The following CFAP57 variants were observed in gnomAD, a reference collection of about 807,000 sequenced individuals.
The protein encoded by CFAP57 is cilia and flagella associated protein 57.
Under a neutral mutation model 146.8 loss-of-function variants are expected in CFAP57, and 116 were observed. The observed-to-expected ratio is 0.79, with a 90% CI of 0.68 to 0.92. The LOEUF (loss-of-function observed/expected upper bound fraction) is 0.92, where lower values mean the gene tolerates loss of function less well. CFAP57 is among the 40% of genes least tolerant of loss of function. CFAP57 has a pLI of 0.00. For synonymous variants in CFAP57, 518 were observed against 552.8 expected (o/e 0.94, Z 0.88); for missense variants, 1,377 against 1,527.2 (o/e 0.90, Z 1.64).
At chr1:43,246,837 A>T (rs890082815) in intron 22 of CFAP57, among the ~76,000 whole-genome samples, 2 of 152,254 alleles carry the variant, frequency 1.3e-5, no homozygotes, top group South Asian at 4.1e-4. Context: ...GCTTGAGATT[A>T]AAAATTACTA....
chr1:43,222,033 C>T, intron 14 of CFAP57, 72 bp from the exon 15 acceptor site: 1 of 1,367,294 alleles, frequency 7.3e-7, no homozygotes, highest in Non-Finnish European at 9.7e-7. Flanking sequence ...TGGGAGAGCG[C>T]CCAAGGCTCC....
At chr1:43,217,630 C>T (rs1415500736) in intron 12 of CFAP57, among the ~76,000 whole-genome samples, 2 of 152,094 alleles carry the variant, frequency 1.3e-5, no homozygotes, top group Admixed American at 1.3e-4. Context: ...TAAACTCACT[C>T]TCTCCAACCT....
intron 22 of CFAP57, among the ~76,000 whole-genome samples, chr1:43,249,334 AT>A (rs1646242988): frequency 6.6e-6 from 1 of 150,386 alleles, no homozygotes; most frequent in Non-Finnish European, 1.5e-5. Context: ...TGGTTTCTTC[AT>A]TTTTAACAGT....
At chr1:43,228,542 C>T (rs987186321) in intron 18 of CFAP57, among the ~76,000 whole-genome samples, 1 of 148,538 alleles carries the variant, frequency 6.7e-6, no homozygotes, top group Admixed American at 6.6e-5. Flanking sequence ...TCTGGTAAGC[C>T]CAGTAAAGAG....
intron 6 of CFAP57, among the ~76,000 whole-genome samples, chr1:43,187,500 A>C (rs1426965045): frequency 6.6e-6 from 1 of 152,230 alleles, no homozygotes; most frequent in East Asian, 1.9e-4. Flanking sequence ...TATGATTCAC[A>C]TACAAATTGC....
At chr1:43,209,618 G>GA in intron 10 of CFAP57, 125 bp from the exon 11 acceptor site, 1 of 1,003,754 alleles carries the variant, frequency 1.0e-6, no homozygotes, top group Non-Finnish European at 1.5e-6. Flanking sequence ...AAAGGGGATA[G>GA]AAAAAGCATT....
chr1:43,205,369 T>A (rs929923104), intron 9 of CFAP57, among the ~76,000 whole-genome samples: 1 of 152,306 alleles, frequency 6.6e-6, no homozygotes, highest in African/African-American at 2.4e-5. Context: ...CACCTGACTT[T>A]CCCACAGACA....
At chr1:43,214,879 T>C (rs1311027610) in intron 11 of CFAP57, among the ~76,000 whole-genome samples, 1 of 152,204 alleles carries the variant, frequency 6.6e-6, no homozygotes, top group Admixed American at 6.5e-5. Flanking sequence ...TGGCTAATAA[T>C]GCGGAGTATC....
At chr1:43,213,510 G>GGT (rs1553180291) in intron 11 of CFAP57, among the ~76,000 whole-genome samples, 1 of 147,406 alleles carries the variant, frequency 6.8e-6, no homozygotes, top group Non-Finnish European at 1.5e-5. Context: ...ATATGGGGGG[G>GGT]GCGGTGGAGC....
At position 43,234,504 on chromosome 1, in the gene CFAP57, G is replaced by A. The variant is rs927981363; in HGVS notation, c.3271G>A (p.Ala1091Thr). Residue 1091 changes from alanine (A) to threonine (T), a missense_variant, in exon 21 of 23, where the codon GCA becomes ACA. Ala to Thr is a moderately conservative substitution (Grantham distance 58, BLOSUM62 0). Transcript: ENST00000372492. The part of the protein sequence containing the change: ...YVQRADMVEI[A>T]GLNTDLQQEY... ...TCCTGGGCCCCGTCAGGTGGAGATC[G>A]CAGGGCTGAACACAGACCTGCAGCA... 10 of 1,548,376 alleles carry A rather than the reference G, an allele frequency of 6.5e-6. No homozygotes were observed. The highest frequency in any genetic ancestry group is 2.4e-5 in the East Asian group (1 of 40,868).
chr1:43,210,165 T>C (rs1644540138), intron 11 of CFAP57: 2 of 1,569,500 alleles, frequency 1.3e-6, no homozygotes, highest in Non-Finnish European at 1.7e-6. Context: ...CATAATATTA[T>C]GCATAATAAG....
At position 43,198,640 on chromosome 1, in the gene CFAP57, C is replaced by T. The variant is rs151041991; in HGVS notation, c.1422C>T (p.Cys474=). 1,569 of 1,602,704 alleles carry T rather than the reference C, an allele frequency of 9.8e-4. 1 individual carries two copies. The highest frequency in any genetic ancestry group is 1.7e-3 in the Admixed American group (102 of 59,120). ...RSFKEYSVRG[C]GECSFSNGGH... is the part of the protein sequence containing the mutation. Reference sequence around the variant, plus strand: ...TCAAAGAATACTCTGTTAGAGGATGCGGAGAGGTAAAAAAAAAACTGCTGA... The same window carrying T: ...TCAAAGAATACTCTGTTAGAGGATGTGGAGAGGTAAAAAAAAAACTGCTGA... The change falls in exon 8 of 23, where the codon TGC becomes TGT. Residue 474 remains cysteine (C), a synonymous_variant. Coordinates refer to ENST00000372492, the MANE Select transcript of CFAP57 (RefSeq NM_001378189.1).
chr1:43,172,844 A>C lies in CFAP57; in HGVS notation c.91A>C (p.Ile31Leu). 6.2e-7 allele frequency: 1 copy of C among 1,614,132 alleles called. No individual in the cohort carries two copies. The highest frequency in any genetic ancestry group is 8.5e-7 in the Non-Finnish European group (1 of 1,179,952). The change falls in exon 2 of 23, where the codon ATA (isoleucine) becomes CTA (leucine). Residue 31 changes from isoleucine (I) to leucine (L), a missense_variant. Physicochemically the swap from Ile to Leu is conservative, Grantham distance 5. Coordinates refer to ENST00000372492, the MANE Select transcript of CFAP57 (RefSeq NM_001378189.1). Reference sequence around the variant, plus strand: ...CTTCTACTTCGATGAACAGATCATTATATTTCCTTCAGGAAATCACTGTGT... The same window carrying C: ...CTTCTACTTCGATGAACAGATCATTCTATTTCCTTCAGGAAATCACTGTGT... ...NIFYFDEQII[I>L]FPSGNHCVKY...
intron 4 of CFAP57, 125 bp downstream of exon 4, chr1:43,184,002 C>A: frequency 8.9e-7 from 1 of 1,125,260 alleles, no homozygotes; most frequent in Non-Finnish European, 1.3e-6. Context: ...CCCATTTTCC[C>A]TCTTCCTCTC....
At chr1:43,222,396 A>G in intron 15 of CFAP57, 101 bp downstream of exon 15, 2 of 1,121,560 alleles carry the variant, frequency 1.8e-6, no homozygotes, top group South Asian at 5.8e-5. Flanking sequence ...GATGTGTTAT[A>G]CACTGGGTCA....
At chr1:43,172,594 G>A in intron 1 of CFAP57, 141 bp downstream of exon 1, 2 of 738,768 alleles carry the variant, frequency 2.7e-6, no homozygotes, top group Non-Finnish European at 2.2e-6. Context: ...ACAAGGGGAG[G>A]GGAAAGGGGA....
In CFAP57 at chr1:43,183,614, C is replaced by T. The variant is rs200937495; in HGVS notation, c.498C>T (p.Asn166=). 1.9e-6 allele frequency: 3 copies of T among 1,614,206 alleles called. No individual in the cohort carries two copies. Among genetic ancestry groups the T allele is most frequent in the East Asian group, 4.5e-5 (2 of 44,886 alleles). The part of the protein sequence containing the change: ...VYQVSFSPQD[N]TQVCVTGNGM... The stretch of plus-strand genomic sequence containing the variant: ...AGGTGAGCTTCAGTCCACAGGATAA[C>T]ACTCAGGTGTGTGTCACTGGAAATG... The change falls in exon 4 of 23, where the codon AAC becomes AAT. Residue 166 remains asparagine, a synonymous_variant. Coordinates refer to ENST00000372492, the MANE Select transcript of CFAP57 (RefSeq NM_001378189.1).
chr1:43,253,412 G>A lies in CFAP57; in HGVS notation c.3539-565G>A, dbSNP rs143983672. Among the ~76,000 whole-genome samples, 6 of 152,318 alleles carry A rather than the reference G, an allele frequency of 3.9e-5. No individual in the cohort carries two copies. The East Asian group carries it at 9.7e-4, about 25-fold the overall frequency. Reference sequence around the variant, plus strand: ...TGGCGTGGAGGCCAAGGTCACTAATGCTGCAAGTTCAGCCTTGCGGGGCAG... The same window carrying A: ...TGGCGTGGAGGCCAAGGTCACTAATACTGCAAGTTCAGCCTTGCGGGGCAG... On this transcript the variant is annotated intron_variant, in intron 22 of 22. Transcript: ENST00000372492.
At chr1:43,234,672 C>T (rs1645618672) in intron 21 of CFAP57, 34 bp downstream of exon 21, 7 of 1,526,338 alleles carry the variant, frequency 4.6e-6, no homozygotes, top group South Asian at 1.2e-5. Context: ...CCTGTGGAGG[C>T]CAAGCCATCC....
Sources: gnomAD v4.1 joint callset for allele counts (sites outside exome capture counted in the v4.1 genomes callset) on GRCh38, gnomAD v4.1.1 for gene constraint, MANE v1.5 for transcripts, NCBI Gene and HGNC (gene_info 2026-07-23, HGNC 2026-07-21) for gene names.